PGCKA1: variants seen among roughly 807,000 people sequenced by gnomAD.
The protein encoded by PGCKA1 is PDCD10 and GCKIII kinases-associated protein 1.
chr4:37,458,566 G>T, the PGCKA1 span, among the ~76,000 whole-genome samples: 3 of 152,128 alleles, frequency 2.0e-5, no homozygotes, highest in African/African-American at 7.2e-5. Context: ...CATGTCACGT[G>T]GGGAGCAGCT....
the PGCKA1 span, among the ~76,000 whole-genome samples, chr4:37,480,893 CT>C: frequency 1.3e-4 from 20 of 152,334 alleles, no homozygotes; most frequent in East Asian, 3.9e-3. Context: ...TTAAGGTGAA[CT>C]TTAGAATAAG....
At chr4:37,585,330 A>G in the PGCKA1 span, among the ~76,000 whole-genome samples, 148 of 1,088 alleles carry the variant, frequency 0.14, 2 homozygotes, top group East Asian at 0.5. Flanking sequence ...GTTGAGGGAG[A>G]GGAGGGGAGA....
At chr4:37,566,532 C>A in the PGCKA1 span, among the ~76,000 whole-genome samples, 2 of 151,976 alleles carry the variant, frequency 1.3e-5, no homozygotes, top group Non-Finnish European at 2.9e-5. Context: ...CCACCCATAT[C>A]GGCCTCCCAA....
chr4:37,460,652 A>G, the PGCKA1 span: 1 of 438,072 alleles, frequency 2.3e-6, no homozygotes, highest in Non-Finnish European at 4.5e-6. Context: ...GTGTCTGTTC[A>G]TGTCCTTTAC....
chr4:37,515,015 A>G, the PGCKA1 span, among the ~76,000 whole-genome samples: 1 of 152,194 alleles, frequency 6.6e-6, no homozygotes, highest in Admixed American at 6.5e-5. Context: ...TGCCATTGTT[A>G]TGGACTGAAT....
At chr4:37,553,031 C>G in the PGCKA1 span, among the ~76,000 whole-genome samples, 1 of 137,184 alleles carries the variant, frequency 7.3e-6, no homozygotes, top group African/African-American at 2.7e-5. Context: ...CTCTCATGGC[C>G]TCATTTTTCC....
chr4:37,549,125 CA>C, the PGCKA1 span, among the ~76,000 whole-genome samples: 2 of 152,226 alleles, frequency 1.3e-5, no homozygotes, highest in Non-Finnish European at 2.9e-5. Context: ...TCTCTCACCA[CA>C]GGGAGGAAAC....
chr4:37,563,036 C>A, the PGCKA1 span, among the ~76,000 whole-genome samples: 3 of 152,014 alleles, frequency 2.0e-5, no homozygotes, highest in Non-Finnish European at 4.4e-5. Context: ...GGTTCCAACT[C>A]TGCACACGTA....
chr4:37,455,643 T>A, the PGCKA1 span, among the ~76,000 whole-genome samples: 1 of 152,160 alleles, frequency 6.6e-6, no homozygotes, highest in East Asian at 1.9e-4. Context: ...TTTTTGGATA[T>A]CTGGGATTGA....
chr4:37,587,789 C>T, the PGCKA1 span, among the ~76,000 whole-genome samples: 32 of 152,088 alleles, frequency 2.1e-4, no homozygotes, highest in East Asian at 5.6e-3. Flanking sequence ...GCCAACGTGG[C>T]AAAACCCTGT....
At chr4:37,542,741 C>T in the PGCKA1 span, among the ~76,000 whole-genome samples, 1 of 152,174 alleles carries the variant, frequency 6.6e-6, no homozygotes, top group African/African-American at 2.4e-5. Context: ...TTTGACTGTG[C>T]AGCTCCAGAA....
the PGCKA1 span, among the ~76,000 whole-genome samples, chr4:37,523,840 G>T: frequency 1.3e-5 from 2 of 152,090 alleles, no homozygotes; most frequent in Non-Finnish European, 2.9e-5. Flanking sequence ...GGCCTTCCTT[G>T]GTGGTGCATA....
chr4:37,558,438 G>C, the PGCKA1 span, among the ~76,000 whole-genome samples: 6 of 152,010 alleles, frequency 3.9e-5, no homozygotes, highest in Non-Finnish European at 7.4e-5. Context: ...GTGTGGTCCC[G>C]GGACCTACGG....
the PGCKA1 span, among the ~76,000 whole-genome samples, chr4:37,542,814 A>G: frequency 6.6e-6 from 1 of 152,168 alleles, no homozygotes; most frequent in Admixed American, 6.5e-5. Context: ...TTTGCCTATA[A>G]TCTCTATTAT....
At chr4:37,549,632 C>T in the PGCKA1 span, among the ~76,000 whole-genome samples, 1 of 152,134 alleles carries the variant, frequency 6.6e-6, no homozygotes, top group Admixed American at 6.5e-5. Flanking sequence ...TGTGAAAATC[C>T]CCGCATAACC....
At chr4:37,588,183 C>T in the PGCKA1 span, 1 of 152,180 alleles carries the variant, frequency 6.6e-6, no homozygotes, top group Non-Finnish European at 1.5e-5. Flanking sequence ...GGAAATGAGT[C>T]CACCTTCTGC....
At chr4:37,536,616 T>C in the PGCKA1 span, among the ~76,000 whole-genome samples, 59 of 152,304 alleles carry the variant, frequency 3.9e-4, no homozygotes, top group East Asian at 0.011. Context: ...CATCAGGTAC[T>C]TTCTTTATCC....
the PGCKA1 span, among the ~76,000 whole-genome samples, chr4:37,457,703 C>T: frequency 5.3e-5 from 8 of 152,264 alleles, no homozygotes; most frequent in East Asian, 1.3e-3. Flanking sequence ...AACCTTAGTC[C>T]TCCAGAATAT....
At chr4:37,581,771 C>A in the PGCKA1 span, among the ~76,000 whole-genome samples, 1 of 152,116 alleles carries the variant, frequency 6.6e-6, no homozygotes, top group South Asian at 2.1e-4. This position sits in a 1 kb window ranked among gnomAD's most constrained non-coding sequence, Gnocchi z 4.4. Flanking sequence ...CAGGTGCCCC[C>A]CCAGGTCCAC....
Sources: gnomAD v4.1 joint callset for allele counts (sites outside exome capture counted in the v4.1 genomes callset) on GRCh38, gnomAD v4.1.1 for gene constraint, Gnocchi (gnomAD v3.1) non-coding constraint, MANE v1.5 for transcripts, NCBI Gene and HGNC (gene_info 2026-07-23, HGNC 2026-07-21) for gene names.